Variants in RBFOX1 observed in about 807,000 individuals in gnomAD.
RBFOX1 encodes RNA binding fox-1 homolog 1, also known as RNA binding protein fox-1 homolog 1.
Under a neutral mutation model 57.7 loss-of-function variants are expected in RBFOX1, and 8 were observed. The observed-to-expected ratio is 0.14, with a 90% CI of 0.08 to 0.25. The LOEUF is 0.25. RBFOX1 is among the 10% of genes least tolerant of loss of function. The probability of loss-of-function intolerance (pLI) is 1.00; values close to 1 mark genes in which losing one functional copy is unlikely to be tolerated. For missense variants in RBFOX1, 611 were observed against 548.5 expected, an observed-to-expected ratio of 1.11 and a Z score of -1.14; for synonymous variants, 326 against 222.4, an observed-to-expected ratio of 1.47 and a Z score of -4.15.
At chr16:7,671,478 G>A in intron 13 of RBFOX1, 1 of 1,341,428 alleles carries the variant, frequency 7.5e-7, no homozygotes, top group Non-Finnish European at 1.1e-6. Context: ...GAATTGCTCT[G>A]GAATTTGTCT....
chr16:6,780,256 T>TAC (rs1200287312), intron 3 of RBFOX1, among the ~76,000 whole-genome samples: 5 of 81,250 alleles, frequency 6.2e-5, no homozygotes, highest in African/African-American at 2.7e-4. Context: ...TATATATTTA[T>TAC]ATATATATTT....
intron 1 of RBFOX1, among the ~76,000 whole-genome samples, chr16:6,268,482 C>G (rs1415152952): frequency 6.6e-6 from 1 of 152,162 alleles, no homozygotes; most frequent in Non-Finnish European, 1.5e-5. Context: ...GGTACGCAAT[C>G]CAGCATAGAC....
chr16:6,706,095 G>T (rs897089876), intron 3 of RBFOX1, among the ~76,000 whole-genome samples: 1 of 152,152 alleles, frequency 6.6e-6, no homozygotes, highest in Admixed American at 6.6e-5. Flanking sequence ...TTAAAACCCG[G>T]ATGCTTAGCC....
intron 2 of RBFOX1, among the ~76,000 whole-genome samples, chr16:5,493,098 A>T (rs1351999077): frequency 2.0e-5 from 3 of 152,248 alleles, no homozygotes; most frequent in Admixed American, 6.5e-5. Flanking sequence ...AGCTGAGAAG[A>T]TGTGGCAGAG....
chr16:7,450,114 G>A (rs1228711366), intron 4 of RBFOX1, among the ~76,000 whole-genome samples: 5 of 152,128 alleles, frequency 3.3e-5, no homozygotes, highest in Admixed American at 6.5e-5. Context: ...GGAGAGACTT[G>A]GCCGAATGCG....
intron 4 of RBFOX1, among the ~76,000 whole-genome samples, chr16:5,970,637 C>T (rs1282958356): frequency 1.3e-5 from 2 of 152,178 alleles, no homozygotes; most frequent in Non-Finnish European, 2.9e-5. Flanking sequence ...AAATTAGCAC[C>T]TGCCAGACTG....
At chr16:5,866,362 C>A (rs76432217) in intron 3 of RBFOX1, among the ~76,000 whole-genome samples, 3,375 of 152,266 alleles carry the variant, frequency 0.022, 52 homozygotes, top group Middle Eastern at 0.048. Context: ...GTCCAGTCTC[C>A]AAATACAATC....
intron 1 of RBFOX1, among the ~76,000 whole-genome samples, chr16:5,375,501 C>T (rs1344828855): frequency 6.6e-6 from 1 of 151,962 alleles, no homozygotes; most frequent in Admixed American, 6.6e-5. Flanking sequence ...TGGGGAGGGC[C>T]AGGGGGCAGG....
At position 5,447,685 on chromosome 16, in the gene RBFOX1, C is replaced by T. The variant is rs756796397; in HGVS notation, c.220-19531C>T. Among the ~76,000 whole-genome samples the T allele has an allele frequency of 9.9e-5, 15 of 152,228 alleles. No individual in the cohort carries two copies. The East Asian group carries it at 1.5e-3, about 16-fold the overall frequency. Reference sequence around the variant, plus strand: ...TGCTGGGATTACTGGCATGAGCCACCGTGCCCGGCTGCCATTCTCTCTTTC... The same window carrying T: ...TGCTGGGATTACTGGCATGAGCCACTGTGCCCGGCTGCCATTCTCTCTTTC... On this transcript the variant is annotated intron_variant, in intron 1 of 2. Coordinates refer to the RBFOX1 transcript ENST00000585867.
chr16:6,432,194 C>A (rs777081618), intron 2 of RBFOX1, among the ~76,000 whole-genome samples: 1 of 151,898 alleles, frequency 6.6e-6, no homozygotes, highest in Admixed American at 6.6e-5. Context: ...GTCTTGAATT[C>A]CTGACTTTAA....
chr16:7,499,010 A>G (rs971081548), intron 4 of RBFOX1, among the ~76,000 whole-genome samples: 3 of 152,204 alleles, frequency 2.0e-5, no homozygotes, highest in Non-Finnish European at 2.9e-5. Flanking sequence ...AGACAGTGAC[A>G]TCACTCAATA....
At chr16:6,598,305 CTT>C (rs1251859501) in intron 2 of RBFOX1, among the ~76,000 whole-genome samples, 2 of 152,096 alleles carry the variant, frequency 1.3e-5, no homozygotes, top group Non-Finnish European at 1.5e-5. Flanking sequence ...ATTATTTACT[CTT>C]TTAAAAGACT....
chr16:7,678,778 T>A (rs1389755477), intron 14 of RBFOX1, among the ~76,000 whole-genome samples: 1 of 152,226 alleles, frequency 6.6e-6, no homozygotes, highest in African/African-American at 2.4e-5. Context: ...ATTTCTGCAT[T>A]TTGGAACACC....
chr16:5,787,274 T>A (rs1327108603), intron 3 of RBFOX1, among the ~76,000 whole-genome samples: 1 of 152,170 alleles, frequency 6.6e-6, no homozygotes, highest in Non-Finnish European at 1.5e-5. Context: ...TTGTGCTGCT[T>A]GGGGATCTGT....
At chr16:7,163,940 G>A (rs964808179) in intron 4 of RBFOX1, among the ~76,000 whole-genome samples, 3 of 152,162 alleles carry the variant, frequency 2.0e-5, no homozygotes, top group African/African-American at 4.8e-5. Context: ...GATTACAGGT[G>A]TGAGCCACCG....
intron 2 of RBFOX1, among the ~76,000 whole-genome samples, chr16:6,498,973 G>A (rs2095847422): frequency 6.6e-6 from 1 of 152,118 alleles, no homozygotes; most frequent in Non-Finnish European, 1.5e-5. Context: ...TTGGCAAAAA[G>A]CGACTTATGG....
At chr16:6,790,219 C>A (rs946007737) in intron 3 of RBFOX1, among the ~76,000 whole-genome samples, 44 of 134,600 alleles carry the variant, frequency 3.3e-4, no homozygotes, top group Non-Finnish European at 9.4e-5. Flanking sequence ...GACTCTCGCT[C>A]TGTCAGCCAG....
At chr16:5,690,378 C>T (rs1348194597) in intron 3 of RBFOX1, among the ~76,000 whole-genome samples, 2 of 152,152 alleles carry the variant, frequency 1.3e-5, no homozygotes, top group Non-Finnish European at 2.9e-5. Context: ...ATTTGGGCCA[C>T]CGTCTACCCA....
chr16:6,353,715 A>T (rs557804199), intron 2 of RBFOX1, among the ~76,000 whole-genome samples: 1 of 152,084 alleles, frequency 6.6e-6, no homozygotes, highest in Admixed American at 6.6e-5. Context: ...TTCGGCCACA[A>T]AGTCTTTGCT....
Sources: allele counts gnomAD v4.1 joint callset (sites outside exome capture counted in the v4.1 genomes callset), GRCh38; gene constraint gnomAD v4.1.1; transcripts MANE v1.5; gene names NCBI Gene and HGNC (gene_info 2026-07-23, HGNC 2026-07-21).